Variants in RPTOR observed in about 807,000 individuals in gnomAD.
The protein encoded by RPTOR is regulatory-associated protein of mTOR.
Under a neutral mutation model 169.9 loss-of-function variants are expected in RPTOR, and 21 were observed. The observed-to-expected ratio is 0.12, with a 90% confidence interval of 0.09 to 0.18. RPTOR has a LOEUF of 0.18. Among genes scored for constraint, RPTOR ranks in the 10% least tolerant of loss-of-function variants. The pLI is 1.00. For missense variants in RPTOR, 1,133 were observed against 1,855.9 expected, an observed-to-expected ratio of 0.61 and a Z score of 7.16; for synonymous variants, 732 against 753.2, an observed-to-expected ratio of 0.97 and a Z score of 0.46.
intron 1 of RPTOR, among the ~76,000 whole-genome samples, chr17:80,555,523 G>A (rs2084397161): frequency 1.3e-5 from 2 of 152,174 alleles, no homozygotes; most frequent in African/African-American, 4.8e-5. Context: ...TTCAGCCAAG[G>A]TGGACAGCTC....
chr17:80,929,742 A>G (rs777482089), intron 24 of RPTOR, among the ~76,000 whole-genome samples: 19 of 152,196 alleles, frequency 1.2e-4, no homozygotes, highest in Non-Finnish European at 2.5e-4. Context: ...TGAGATGGCC[A>G]TAGTCCCCAC....
At chr17:80,907,067 C>T (rs544051200) in intron 20 of RPTOR, among the ~76,000 whole-genome samples, 12 of 152,324 alleles carry the variant, frequency 7.9e-5, no homozygotes, top group Admixed American at 5.2e-4. Context: ...CTTTCGCACC[C>T]GCCTCCATCT....
At chr17:80,712,104 T>A (rs1231147744) in intron 4 of RPTOR, among the ~76,000 whole-genome samples, 1 of 152,160 alleles carries the variant, frequency 6.6e-6, no homozygotes, top group Non-Finnish European at 1.5e-5. Flanking sequence ...TACAGAAAAA[T>A]TGAGCAAGTT....
Position 80,957,299 on chromosome 17 carries a change from A to G in RPTOR, c.3371-325A>G, listed in dbSNP as rs549929117. Among the ~76,000 whole-genome samples, 10 of 137,572 alleles carry G rather than the reference A, an allele frequency of 7.3e-5. No homozygotes were observed. Among genetic ancestry groups the G allele is most frequent in the African/African-American group, 1.1e-4 (4 of 35,810 alleles). 90.3% of individuals were successfully genotyped at this position (137,572 alleles called of 152,430 possible). A position where few individuals can be genotyped will look rare whatever the true frequency, so the allele number is the denominator to read the frequency against. On this transcript the variant is annotated intron_variant, in intron 28 of 33. Transcript: ENST00000306801. The surrounding 1 kb of genome is among the most constrained non-coding windows in gnomAD (Gnocchi z 4.6). ...ACCCCGGCCTGGACTTGGGAGTTCC[A>G]GCTTAGAATTGTCACCCCGGCCTGG... is the stretch of plus-strand genomic sequence containing the variant.
At chr17:80,625,179 C>T (rs972865398) in intron 1 of RPTOR, among the ~76,000 whole-genome samples, 4 of 152,238 alleles carry the variant, frequency 2.6e-5, no homozygotes, top group East Asian at 3.9e-4. Context: ...GAGTGAACAA[C>T]GCAGGCAGTG....
chr17:80,907,206 C>T (rs1230080035), intron 20 of RPTOR, among the ~76,000 whole-genome samples: 1 of 152,264 alleles, frequency 6.6e-6, no homozygotes, highest in Admixed American at 6.5e-5. Context: ...ACTGGAATCA[C>T]ACCTCACTCG....
chr17:80,823,525 T>C lies in RPTOR; in HGVS notation c.1136+302T>C. The C allele has an allele frequency of 3.6e-6, 1 of 276,036 alleles. No homozygotes were observed. The highest frequency in any genetic ancestry group is 6.9e-6 in the Non-Finnish European group (1 of 144,770). The allele number at this position is 276,036 out of a possible 1,614,324, so 17.1% of individuals were successfully genotyped here. ...ACTTTGCAAGAGAGTTTCTAACCTT[T>C]TAGAAACCAGTAGTGAGAAAATAAC... On this transcript the variant is annotated intron_variant, in intron 9 of 33. Transcript: ENST00000306801. The surrounding 1 kb of genome is among the most constrained non-coding windows in gnomAD (Gnocchi z 4.5).
intron 1 of RPTOR, among the ~76,000 whole-genome samples, chr17:80,567,803 A>AAAATAAATAAATAAAT (rs199905629): frequency 6.7e-6 from 1 of 148,462 alleles, no homozygotes; most frequent in Admixed American, 6.8e-5. Context: ...AAAAATAAAT[A>AAAATAAATAAATAAAT]AAATAAATAA....
intron 11 of RPTOR, among the ~76,000 whole-genome samples, 193 bp from the exon 12 acceptor site, chr17:80,855,271 T>C (rs1453507095): frequency 1.3e-5 from 2 of 152,268 alleles, no homozygotes; most frequent in African/African-American, 4.8e-5. Flanking sequence ...AATAAAGGCA[T>C]AAAGCGTGTT....
At chr17:80,879,150 A>G (rs1598373514) in intron 13 of RPTOR, among the ~76,000 whole-genome samples, 1 of 151,838 alleles carries the variant, frequency 6.6e-6, no homozygotes, top group South Asian at 2.1e-4. Context: ...CCCCACTGTA[A>G]CCCCTCCGGG....
rs9913162 is a variant in RPTOR at position 80,721,746 on chromosome 17, A to G, written c.508-8814A>G. 0.66 allele frequency among the ~76,000 whole-genome samples: 99,320 copies of G among 150,986 alleles called. 33,741 individuals carry two copies. The highest frequency in any genetic ancestry group is 0.77 in the African/African-American group (31,034 of 40,416). On this transcript the variant is annotated intron_variant, in intron 4 of 33. Transcript: ENST00000306801. The surrounding 1 kb of genome is among the most constrained non-coding windows in gnomAD (Gnocchi z 4.7). ...TAATCCACTGAAAAAATGAATGTTG[A>G]GGAACACAGCCAGCTTTCCTGTTAT...
At chr17:80,951,630 C>T (rs972584502) in intron 28 of RPTOR, among the ~76,000 whole-genome samples, 5 of 152,210 alleles carry the variant, frequency 3.3e-5, no homozygotes, top group South Asian at 2.1e-4. Flanking sequence ...ACTGCTGCTG[C>T]GGCTTTGCTA....
intron 1 of RPTOR, among the ~76,000 whole-genome samples, chr17:80,583,780 C>T (rs970939175): frequency 2.6e-5 from 4 of 152,182 alleles, no homozygotes; most frequent in East Asian, 3.9e-4. Flanking sequence ...ATCAGCTCTC[C>T]GATGATATGC....
At chr17:80,577,928 T>C (rs1363144786) in intron 1 of RPTOR, among the ~76,000 whole-genome samples, 2 of 152,210 alleles carry the variant, frequency 1.3e-5, no homozygotes, top group Non-Finnish European at 2.9e-5. Context: ...TTTTAGCTGA[T>C]TGAAGGCAAA....
At position 80,774,665 on chromosome 17, in the gene RPTOR, G is replaced by A. The variant is rs532126708; in HGVS notation, c.831-16785G>A. On this transcript the variant is annotated intron_variant, in intron 6 of 33. Transcript: ENST00000306801. ...CGTGCCGTACTTTACACGAGAACCA[G>A]CTTCCCGTTGGGGACTTTACAGAGC... 2.0e-5 allele frequency among the ~76,000 whole-genome samples: 3 copies of A among 152,314 alleles called. No individual in the cohort carries two copies. In the South Asian group the frequency reaches 6.2e-4, roughly 32 times the overall value.
chr17:80,879,724 T>C (rs181118495), intron 13 of RPTOR, among the ~76,000 whole-genome samples: 36 of 152,300 alleles, frequency 2.4e-4, no homozygotes, highest in Admixed American at 2.4e-3. Flanking sequence ...GCTGTGATTG[T>C]GCTGACAGCA....
At chr17:80,883,513 G>C in intron 15 of RPTOR, 29 bp downstream of exon 15, 1 of 1,609,246 alleles carries the variant, frequency 6.2e-7, no homozygotes, top group East Asian at 2.2e-5. Context: ...CCCAGCCCCA[G>C]AGCTCACCCT....
chr17:80,682,083 CAT>C (rs1277136769), intron 3 of RPTOR, among the ~76,000 whole-genome samples: 2 of 149,718 alleles, frequency 1.3e-5, no homozygotes, highest in Non-Finnish European at 3.0e-5. Context: ...AATATTACCT[CAT>C]GTGGTGAAAG....
chr17:80,903,128 G>A (rs943245847), intron 20 of RPTOR, among the ~76,000 whole-genome samples: 9 of 152,336 alleles, frequency 5.9e-5, no homozygotes, highest in South Asian at 2.1e-4. Flanking sequence ...AGGGGAGGGC[G>A]AGAAAGGAAC....
Sources: gnomAD v4.1 joint callset for allele counts (sites outside exome capture counted in the v4.1 genomes callset) on GRCh38, gnomAD v4.1.1 for gene constraint, Gnocchi (gnomAD v3.1) non-coding constraint, MANE v1.5 for transcripts, NCBI Gene and HGNC (gene_info 2026-07-23, HGNC 2026-07-21) for gene names.